Variants in A2M observed in about 807,000 individuals in gnomAD.
A2M encodes the protein alpha-2-macroglobulin, also known as C3 and PZP-like alpha-2-macroglobulin domain-containing protein 5.
A neutral mutation model predicts 183.9 loss-of-function variants in A2M; 128 were observed. The observed-to-expected ratio is 0.70, with a 90% CI of 0.60 to 0.81. The LOEUF is 0.81. A2M is among the 30% of genes least tolerant of loss of function. The probability of loss-of-function intolerance (pLI) is 0.00; values close to 1 mark genes in which losing one functional copy is unlikely to be tolerated. For synonymous variants in A2M, 592 were observed against 670.8 expected, an observed-to-expected ratio of 0.88 and a Z score of 1.81; for missense variants, 1,495 against 1,787.6, an observed-to-expected ratio of 0.84 and a Z score of 2.95.
At position 9,075,993 on chromosome 12, in the gene A2M, G is replaced by A. The variant is rs950065631; in HGVS notation, c.3532+763C>T. Among the ~76,000 whole-genome samples the A allele has an allele frequency of 2.6e-5, 4 of 152,122 alleles. No individual in the cohort carries two copies. In the South Asian group the frequency reaches 8.3e-4, roughly 32 times the overall value. Reference sequence around the variant, plus strand: ...AGGAAAAAGGTAGACTGTTTTAATGGACATCTTGTGATTTGCATTTTATTT... The same window carrying A: ...AGGAAAAAGGTAGACTGTTTTAATGAACATCTTGTGATTTGCATTTTATTT... On this transcript the variant is annotated intron_variant, in intron 28 of 35. Transcript: ENST00000318602.
chr12:9,099,148 A>C (rs770353671), intron 14 of A2M, among the ~76,000 whole-genome samples: 3 of 152,298 alleles, frequency 2.0e-5, no homozygotes, highest in African/African-American at 7.2e-5. Flanking sequence ...GAAGGGAATA[A>C]CATACTCTGA....
rs1167952259 is a variant in A2M, at chr12:9,072,503, A to T, written c.3976-17T>A. On this transcript the variant is annotated splice_polypyrimidine_tract_variant and intron_variant, in intron 30 of 35. Transcript: ENST00000318602. ...CAAGGATGTCTATAGAACATCAAAG[A>T]CAAAATCAGTTTTTTGCCCTTTCCC... 2 of 1,606,042 alleles carry T rather than the reference A, an allele frequency of 1.2e-6. No individual in the cohort carries two copies. Among genetic ancestry groups the T allele is most frequent in the East Asian group, 4.5e-5 (2 of 44,826 alleles).
chr12:9,100,455 CT>C (rs1937741637), intron 13 of A2M, among the ~76,000 whole-genome samples: 1 of 148,030 alleles, frequency 6.8e-6, no homozygotes. Context: ...TATTTATTTA[CT>C]TTTATAGAGA....
chr12:9,109,982 G>T lies in A2M; in HGVS notation c.558C>A (p.Gly186=). 3 of 1,613,578 alleles carry T rather than the reference G, an allele frequency of 1.9e-6. No individual in the cohort carries two copies. The highest frequency in any genetic ancestry group is 2.5e-6 in the Non-Finnish European group (3 of 1,179,682). The change falls in exon 6 of 36, where the codon GGC becomes GGA. Residue 186 remains glycine (G), a synonymous_variant. Transcript: ENST00000318602. ...AGAGGGGAAAAGAAAATTGCTTGAG[G>T]CCACCCTCTAACTGGAAACTCTGCC... ...AQWQSFQLEG[G]LKQFSFPLSS...
intron 22 of A2M, among the ~76,000 whole-genome samples, chr12:9,082,649 T>A (rs1341155163): frequency 1.3e-5 from 2 of 152,130 alleles, no homozygotes; most frequent in African/African-American, 2.4e-5. Flanking sequence ...TTATGAAGAA[T>A]CAAGGAATGA....
At chr12:9,112,879 A>G (rs899299625) in intron 2 of A2M, among the ~76,000 whole-genome samples, 2 of 152,180 alleles carry the variant, frequency 1.3e-5, no homozygotes, top group African/African-American at 2.4e-5. Flanking sequence ...CAGGCTATGG[A>G]AAAAAACCCC....
At chr12:9,097,486 A>T (rs1949416639) in intron 15 of A2M, among the ~76,000 whole-genome samples, 1 of 152,172 alleles carries the variant, frequency 6.6e-6, no homozygotes, top group African/African-American at 2.4e-5. Flanking sequence ...TTCTTCTATT[A>T]GCTCCATATT....
chr12:9,079,621 A>C lies in A2M; in HGVS notation c.3031+18T>G. On this transcript the variant is annotated intron_variant, in intron 24 of 35. Coordinates refer to ENST00000318602, the MANE Select transcript of A2M (RefSeq NM_000014.6). ...TGAAATAACATTCAAGTTTTCCCTT[A>C]CTCAAGTAATCACTCACCAGTGTTG... The C allele has an allele frequency of 6.2e-7, 1 of 1,604,706 alleles. No homozygotes were observed. The highest frequency in any genetic ancestry group is 8.5e-7 in the Non-Finnish European group (1 of 1,175,156).
intron 4 of A2M, among the ~76,000 whole-genome samples, chr12:9,111,264 T>G (rs2137968954): frequency 6.6e-6 from 1 of 152,262 alleles, no homozygotes; most frequent in East Asian, 1.9e-4. Flanking sequence ...TAAACCATGT[T>G]TTAATGGAGC....
rs1939081301 is a variant in A2M at position 9,115,867 on chromosome 12, C to G, written c.-18G>C. ...TTCCCCATGTTGCAGAAAGAAGGAG[C>G]TGGAGGAGAACAGACTGTATTGTAC... On this transcript the variant is annotated 5_prime_UTR_variant, in exon 1 of 36. Coordinates refer to ENST00000318602, the MANE Select transcript of A2M (RefSeq NM_000014.6). The G allele has an allele frequency of 6.2e-7, 1 of 1,602,268 alleles. No homozygotes were observed. The highest frequency in any genetic ancestry group is 1.3e-5 in the African/African-American group (1 of 74,560).
intron 22 of A2M, among the ~76,000 whole-genome samples, chr12:9,087,454 A>T (rs1440583965): frequency 6.6e-6 from 1 of 152,168 alleles, no homozygotes; most frequent in Admixed American, 6.5e-5. Context: ...GGAAGCTAAA[A>T]CATTCAAATT....
At position 9,080,170 on chromosome 12, in the gene A2M, C is replaced by T. The variant is rs199979830; in HGVS notation, c.2778G>A (p.Glu926=). 27 of 1,578,094 alleles carry T rather than the reference C, an allele frequency of 1.7e-5. No homozygotes were observed. The East Asian group carries it at 3.7e-4, about 21-fold the overall frequency. ...GTTTCAGGGATAATTCTTCAGAAAC[C>T]TCACCACCTAGAGAAATAAGCAAAT... The part of the protein sequence containing the change: ...FNSLLCPSGG[E]VSEELSLKLP... Residue 926 remains glutamate (E), a synonymous_variant, in exon 23 of 36, where the codon GAG becomes GAA. Coordinates refer to ENST00000318602, the MANE Select transcript of A2M (RefSeq NM_000014.6).
intron 23 of A2M, 91 bp from the exon 24 acceptor site, chr12:9,079,906 T>C (rs1406509998): frequency 3.9e-6 from 5 of 1,276,136 alleles, no homozygotes; most frequent in Non-Finnish European, 4.2e-6. Context: ...AGCTTAGAAA[T>C]TGAGAATTTT....
intron 13 of A2M, among the ~76,000 whole-genome samples, chr12:9,100,210 G>A (rs1937718684): frequency 6.6e-6 from 1 of 151,952 alleles, no homozygotes; most frequent in Admixed American, 6.6e-5. Flanking sequence ...TCTTGAAAGG[G>A]AAAAAAGATA....
At chr12:9,107,502 G>GA (rs754923325) in intron 8 of A2M, 22 bp downstream of exon 8, 3 of 1,612,806 alleles carry the variant, frequency 1.9e-6, no homozygotes, top group Non-Finnish European at 2.5e-6. Flanking sequence ...CTATTCTCTA[G>GA]AAAAAATAGT....
intron 2 of A2M, chr12:9,112,838 T>C (rs1400113512): frequency 2.7e-6 from 1 of 369,554 alleles, no homozygotes; most frequent in Non-Finnish European, 5.0e-6. Context: ...TGATATTACA[T>C]GCTAAAAGGG....
chr12:9,105,001 C>A (rs751646622), intron 10 of A2M, among the ~76,000 whole-genome samples: 1 of 152,140 alleles, frequency 6.6e-6, no homozygotes, highest in South Asian at 2.1e-4. Flanking sequence ...GGAAGGTAGG[C>A]AGATTTTATG....
rs1437492002 is a variant in A2M at position 9,068,204 on chromosome 12, A to G, written c.4387T>C (p.Tyr1463His). 6.2e-7 allele frequency: 1 copy of G among 1,611,532 alleles called. No individual in the cohort carries two copies. The highest frequency in any genetic ancestry group is 8.5e-7 in the Non-Finnish European group (1 of 1,179,698). Residue 1463 changes from tyrosine (Y) to histidine (H), a missense_variant, in exon 35 of 36, where the codon TAC becomes CAC. By Grantham distance (83) the Tyr-to-His change is moderately conservative (BLOSUM62 2). Coordinates refer to ENST00000318602, the MANE Select transcript of A2M (RefSeq NM_000014.6). ...YETDEFAIAE[Y>H]NAPCSKDLGN... ...TTACCTTTGCTGCAAGGAGCATTGTACTCAGCAATTGCAAACTCATCTGAA... is the reference window on the plus strand; with the variant it reads ...TTACCTTTGCTGCAAGGAGCATTGTGCTCAGCAATTGCAAACTCATCTGAA...
chr12:9,095,785 C>T (rs764976791), intron 15 of A2M, 85 bp from the exon 16 acceptor site: 30 of 1,215,650 alleles, frequency 2.5e-5, no homozygotes, highest in Middle Eastern at 3.1e-4. Flanking sequence ...CGGAGTCTCG[C>T]TCTGTCGCCC....
Sources: allele counts gnomAD v4.1 joint callset (sites outside exome capture counted in the v4.1 genomes callset), GRCh38; gene constraint gnomAD v4.1.1; transcripts MANE v1.5; gene names NCBI Gene and HGNC (gene_info 2026-07-23, HGNC 2026-07-21).